Variants in DPF3 observed in about 807,000 individuals in gnomAD.
The protein encoded by DPF3 is zinc finger protein DPF3.
In DPF3, 18 loss-of-function variants were observed where a neutral mutation model predicts 56.8. That is an observed-to-expected ratio of 0.32 (90% CI 0.22 to 0.47). The LOEUF (loss-of-function observed/expected upper bound fraction) is 0.47. Among genes scored for constraint, DPF3 ranks in the 20% least tolerant of loss-of-function variants. The pLI is 1.00. For synonymous variants in DPF3, 188 were observed against 180.2 expected, an observed-to-expected ratio of 1.04 and a Z score of -0.35; for missense variants, 403 against 488.8, an observed-to-expected ratio of 0.82 and a Z score of 1.65.
At chr14:72,839,708 A>G (rs1027147709) in intron 1 of DPF3, among the ~76,000 whole-genome samples, 2 of 152,180 alleles carry the variant, frequency 1.3e-5, no homozygotes, top group African/African-American at 4.8e-5. Flanking sequence ...TGCTACACAC[A>G]GATAAGAAGC....
chr14:72,764,528 G>A (rs184447257), intron 2 of DPF3, among the ~76,000 whole-genome samples: 70 of 107,198 alleles, frequency 6.5e-4, no homozygotes, highest in East Asian at 2.2e-3. Flanking sequence ...GCGGAATGTC[G>A]CCCAGGCTGG....
intron 2 of DPF3, among the ~76,000 whole-genome samples, chr14:72,756,100 G>C (rs1890777529): frequency 1.3e-5 from 2 of 152,146 alleles, no homozygotes; most frequent in Non-Finnish European, 2.9e-5. Context: ...GCCTAGGGCT[G>C]GGGAGGGGAC....
intron 6 of DPF3, among the ~76,000 whole-genome samples, chr14:72,704,372 C>A (rs938439894): frequency 2.9e-4 from 44 of 152,162 alleles, no homozygotes; most frequent in African/African-American, 9.4e-4. Context: ...ACCTGATTAC[C>A]CTAAGCTGAG....
chr14:72,714,786 A>T lies in DPF3; in HGVS notation c.526-285T>A, dbSNP rs1224341768. Among the ~76,000 whole-genome samples the T allele has an allele frequency of 5.3e-5, 8 of 152,230 alleles. No individual in the cohort carries two copies. The South Asian group carries it at 8.3e-4, about 16-fold the overall frequency. On this transcript the variant is annotated intron_variant, in intron 5 of 10. Coordinates refer to ENST00000556509, the MANE Select transcript of DPF3 (RefSeq NM_001280542.3). ...AAAGGACTGAAGCCATAGAGAGGTT[A>T]AGTAGCTTGCCCAAGGTCGTTCGGC...
At chr14:72,760,171 T>A (rs896639806) in intron 2 of DPF3, among the ~76,000 whole-genome samples, 1 of 152,198 alleles carries the variant, frequency 6.6e-6, no homozygotes, top group African/African-American at 2.4e-5. Context: ...GATCAACTAT[T>A]TTTAAAAATA....
At chr14:72,662,275 T>C (rs3854) in intron 8 of DPF3, 420,430 of 984,644 alleles carry the variant, frequency 0.43, 92,032 homozygotes, top group East Asian at 0.86. Flanking sequence ...TATTTTCTTA[T>C]TTAAAATGTG....
At chr14:72,750,966 G>A (rs1414006821) in intron 3 of DPF3, among the ~76,000 whole-genome samples, 1 of 152,112 alleles carries the variant, frequency 6.6e-6, no homozygotes, top group Non-Finnish European at 1.5e-5. Flanking sequence ...CGAGGCAGGA[G>A]GATTATCTGA....
chr14:72,678,008 C>T (rs553136722), intron 7 of DPF3, among the ~76,000 whole-genome samples: 1 of 152,322 alleles, frequency 6.6e-6, no homozygotes, highest in South Asian at 2.1e-4. Flanking sequence ...AGACATTTAT[C>T]ACACCACAAA....
intron 2 of DPF3, among the ~76,000 whole-genome samples, chr14:72,757,323 G>C (rs1890881938): frequency 6.6e-6 from 1 of 152,148 alleles, no homozygotes; most frequent in Non-Finnish European, 1.5e-5. Context: ...TTATGTCACA[G>C]GACACAGTGT....
intron 1 of DPF3, among the ~76,000 whole-genome samples, chr14:72,813,921 A>G (rs1339344774): frequency 1.3e-5 from 2 of 152,070 alleles, no homozygotes; most frequent in Non-Finnish European, 2.9e-5. Context: ...ATGCAGAACA[A>G]TGGGAGTTTA....
chr14:72,731,740 G>A, intron 4 of DPF3, 67 bp downstream of exon 4: 1 of 1,597,602 alleles, frequency 6.3e-7, no homozygotes, highest in Non-Finnish European at 8.5e-7. Flanking sequence ...CCAAGCCGGT[G>A]CTGGAGTTCT....
At chr14:72,874,170 A>G (rs1385650201) in intron 1 of DPF3, among the ~76,000 whole-genome samples, 1 of 151,312 alleles carries the variant, frequency 6.6e-6, no homozygotes, top group Non-Finnish European at 1.5e-5. Flanking sequence ...TCAATAAGAA[A>G]AAAAAAAAAA....
intron 1 of DPF3, among the ~76,000 whole-genome samples, chr14:72,881,294 C>CTGTTGTTGTTGTTGT (rs10545910): frequency 1.1e-4 from 17 of 151,150 alleles, no homozygotes; most frequent in South Asian, 2.1e-4. Context: ...AAATTCAGAG[C>CTGTTGTTGTTGTTGT]TGTTGTTGTT....
At chr14:72,641,172 A>G (rs1023517430) in intron 8 of DPF3, among the ~76,000 whole-genome samples, 1 of 152,220 alleles carries the variant, frequency 6.6e-6, no homozygotes, top group Non-Finnish European at 1.5e-5. Flanking sequence ...TAACACAGTC[A>G]CTAGTAGCAA....
chr14:72,739,882 G>C (rs1481319197), intron 3 of DPF3, among the ~76,000 whole-genome samples: 1 of 152,210 alleles, frequency 6.6e-6, no homozygotes, highest in Non-Finnish European at 1.5e-5. Context: ...GGCCCTCATA[G>C]AATTTATATT....
chr14:72,622,106 TC>T (rs1318812465), intron 9 of DPF3, among the ~76,000 whole-genome samples: 1 of 152,192 alleles, frequency 6.6e-6, no homozygotes, highest in Non-Finnish European at 1.5e-5. Flanking sequence ...TGGAGAAGTG[TC>T]CATGAACCCC....
intron 8 of DPF3, among the ~76,000 whole-genome samples, chr14:72,654,282 G>A (rs1336359838): frequency 6.6e-6 from 1 of 151,916 alleles, no homozygotes; most frequent in African/African-American, 2.4e-5. Flanking sequence ...CTGAGCCTTT[G>A]CTCAGGTATT....
intron 8 of DPF3, among the ~76,000 whole-genome samples, chr14:72,653,095 C>G (rs115153943): frequency 0.038 from 5,783 of 152,336 alleles, 139 homozygotes; most frequent in Middle Eastern, 0.088. Flanking sequence ...GAGTAACATG[C>G]AATGGCACAT....
chr14:72,873,745 T>A (rs1249398507), intron 1 of DPF3, among the ~76,000 whole-genome samples: 1 of 152,048 alleles, frequency 6.6e-6, no homozygotes, highest in African/African-American at 2.4e-5. Flanking sequence ...ATGTAGCCAT[T>A]AAAAATGATG....
Sources: gnomAD v4.1 joint callset for allele counts (sites outside exome capture counted in the v4.1 genomes callset) on GRCh38, gnomAD v4.1.1 for gene constraint, MANE v1.5 for transcripts, NCBI Gene and HGNC (gene_info 2026-07-23, HGNC 2026-07-21) for gene names.